Variants in PDE3A observed in about 807,000 individuals in gnomAD.
PDE3A encodes phosphodiesterase 3A, also known as cGMP-inhibited 3',5'-cyclic phosphodiesterase 3A.
A neutral mutation model predicts 98.3 loss-of-function variants in PDE3A; 43 were observed. The observed-to-expected ratio is 0.44, with a 90% CI of 0.34 to 0.56. The LOEUF (loss-of-function observed/expected upper bound fraction) is 0.56, where lower values mean the gene tolerates loss of function less well. Ranked by LOEUF, PDE3A falls within the 20% of genes least tolerant of loss-of-function variation. The pLI, the probability that PDE3A is intolerant of heterozygous loss-of-function variation, is 0.01. For synonymous variants in PDE3A, 663 were observed against 567.9 expected, an observed-to-expected ratio of 1.17 and a Z score of -2.38; for missense variants, 1,427 against 1,440.7, an observed-to-expected ratio of 0.99 and a Z score of 0.15.
intron 2 of PDE3A, among the ~76,000 whole-genome samples, chr12:20,607,403 C>T (rs1486895711): frequency 6.9e-6 from 1 of 145,056 alleles, no homozygotes; most frequent in African/African-American, 2.6e-5. Flanking sequence ...TGCCAGTGCA[C>T]TTCAGCCTGG....
chr12:20,393,738 T>A (rs1254059608), intron 1 of PDE3A, among the ~76,000 whole-genome samples: 2 of 152,092 alleles, frequency 1.3e-5, no homozygotes, highest in Non-Finnish European at 2.9e-5. Flanking sequence ...AATATTAACA[T>A]AAGGTGGCAC....
At chr12:20,373,043 C>G (rs1449044646) in intron 1 of PDE3A, among the ~76,000 whole-genome samples, 1 of 152,056 alleles carries the variant, frequency 6.6e-6, no homozygotes, top group Non-Finnish European at 1.5e-5. Flanking sequence ...CTCTCCCTCC[C>G]TTTTTTTCTT....
At chr12:20,405,280 C>T (rs1049544999) in intron 1 of PDE3A, among the ~76,000 whole-genome samples, 2 of 152,264 alleles carry the variant, frequency 1.3e-5, no homozygotes, top group Admixed American at 6.5e-5. Context: ...TTTGTGCACA[C>T]GCTCTCCTTA....
intron 15 of PDE3A, among the ~76,000 whole-genome samples, chr12:20,660,826 A>G (rs1713777076): frequency 6.6e-6 from 1 of 152,124 alleles, no homozygotes; most frequent in Admixed American, 6.5e-5. Flanking sequence ...AGTCTCAGGT[A>G]TGTCTTTGTC....
At chr12:20,641,407 T>A (rs1944645222) in intron 10 of PDE3A, among the ~76,000 whole-genome samples, 1 of 152,114 alleles carries the variant, frequency 6.6e-6, no homozygotes, top group Admixed American at 6.6e-5. Flanking sequence ...GGGCCCACCC[T>A]GGTTGGATGC....
chr12:20,429,380 A>G (rs990595360), intron 1 of PDE3A, among the ~76,000 whole-genome samples: 10 of 152,144 alleles, frequency 6.6e-5, no homozygotes, highest in African/African-American at 2.2e-4. Flanking sequence ...CCTTGCCTCA[A>G]ATTGTTCCCT....
chr12:20,668,457 G>A (rs1238665247), intron 15 of PDE3A, among the ~76,000 whole-genome samples: 4 of 152,102 alleles, frequency 2.6e-5, no homozygotes, highest in Admixed American at 2.6e-4. Flanking sequence ...CTGTCTGACA[G>A]CTTTGAAGAG....
chr12:20,640,652 C>T (rs186764646), intron 10 of PDE3A, among the ~76,000 whole-genome samples: 50 of 152,116 alleles, frequency 3.3e-4, no homozygotes, highest in African/African-American at 1.2e-3. Flanking sequence ...AACAAGAAAT[C>T]GGAACACAGA....
At chr12:20,560,871 C>T (rs1942499790) in intron 2 of PDE3A, among the ~76,000 whole-genome samples, 1 of 151,974 alleles carries the variant, frequency 6.6e-6, no homozygotes, top group Non-Finnish European at 1.5e-5. Flanking sequence ...CCACCCCTAC[C>T]CCATACCAGC....
intron 1 of PDE3A, among the ~76,000 whole-genome samples, chr12:20,510,008 A>T (rs1366636303): frequency 6.6e-6 from 1 of 152,058 alleles, no homozygotes; most frequent in Non-Finnish European, 1.5e-5. Context: ...TTATATGATA[A>T]AACATTTCAA....
intron 1 of PDE3A, among the ~76,000 whole-genome samples, chr12:20,555,422 C>A (rs553417049): frequency 6.6e-6 from 1 of 152,082 alleles, no homozygotes; most frequent in Non-Finnish European, 1.5e-5. Context: ...TAACATCGAT[C>A]GTCTCTCATA....
intron 1 of PDE3A, among the ~76,000 whole-genome samples, chr12:20,538,717 T>A (rs1222820201): frequency 6.6e-6 from 1 of 152,178 alleles, no homozygotes; most frequent in Non-Finnish European, 1.5e-5. Flanking sequence ...AATCAACTCC[T>A]TATTGTAGCC....
At position 20,633,941 on chromosome 12, in the gene PDE3A, C is replaced by A. The variant is rs578143232; in HGVS notation, c.1846+163C>A. On this transcript the variant is annotated intron_variant, in intron 7 of 15. Transcript: ENST00000359062. ...TCTCAAACTCCTGGCCTCAAGTGAT[C>A]CTCCCGCCTCAGCCTCTTGAAGTAC... Among the ~76,000 whole-genome samples, 316 of 152,254 alleles carry A rather than the reference C, an allele frequency of 2.1e-3. 2 individuals carry two copies. The highest frequency in any genetic ancestry group is 7.3e-3 in the African/African-American group (305 of 41,550).
chr12:20,510,981 C>A (rs1217897707), intron 1 of PDE3A, among the ~76,000 whole-genome samples: 1 of 152,016 alleles, frequency 6.6e-6, no homozygotes, highest in East Asian at 1.9e-4. Flanking sequence ...GTCTATCAAA[C>A]AACTTCAGTC....
chr12:20,399,975 A>G (rs1370275057), intron 1 of PDE3A, among the ~76,000 whole-genome samples: 1 of 152,210 alleles, frequency 6.6e-6, no homozygotes, highest in Non-Finnish European at 1.5e-5. Flanking sequence ...AAGAAAGAAC[A>G]AGTTATTTTG....
In PDE3A at chr12:20,368,896, G is replaced by A. The variant is rs1943397878; in HGVS notation, c.-389G>A. Among the ~76,000 whole-genome samples, 1 of 152,112 alleles carries A rather than the reference G, an allele frequency of 6.6e-6. No individual in the cohort carries two copies. Among genetic ancestry groups the A allele is most frequent in the African/African-American group, 2.4e-5 (1 of 41,540 alleles). On this transcript the variant is annotated 5_prime_UTR_variant, in exon 1 of 16. Coordinates refer to ENST00000359062, the MANE Select transcript of PDE3A (RefSeq NM_000921.5). ...CAGCGTCAGCGGCTCCTGCGCGCGG[G>A]ATGCATTGGGCAATTTTTGAAATCC...
At chr12:20,445,974 A>G (rs946784916) in intron 1 of PDE3A, among the ~76,000 whole-genome samples, 1 of 152,050 alleles carries the variant, frequency 6.6e-6, no homozygotes, top group African/African-American at 2.4e-5. Flanking sequence ...CGTGCCTTTG[A>G]TAGCATCCAG....
chr12:20,428,340 T>G (rs1591921509), intron 1 of PDE3A, among the ~76,000 whole-genome samples: 1 of 152,124 alleles, frequency 6.6e-6, no homozygotes, highest in East Asian at 1.9e-4. Flanking sequence ...AGTGCAGAGG[T>G]GCGATCTCCA....
At chr12:20,492,428 G>T (rs1443406681) in intron 1 of PDE3A, among the ~76,000 whole-genome samples, 1 of 152,072 alleles carries the variant, frequency 6.6e-6, no homozygotes, top group Non-Finnish European at 1.5e-5. Flanking sequence ...ATGAGTCACA[G>T]TCTGGGCAGG....
Sources: gnomAD v4.1 joint callset for allele counts (sites outside exome capture counted in the v4.1 genomes callset) on GRCh38, gnomAD v4.1.1 for gene constraint, MANE v1.5 for transcripts, NCBI Gene and HGNC (gene_info 2026-07-23, HGNC 2026-07-21) for gene names.